SGCD: variants seen among roughly 807,000 people sequenced by gnomAD.
The protein encoded by SGCD is delta-sarcoglycan.
Under a neutral mutation model 36.6 loss-of-function variants are expected in SGCD, and 18 were observed. The ratio of observed to expected loss-of-function variants is 0.49; its 90% CI spans 0.34 to 0.73. The LOEUF is 0.73. SGCD is among the 30% of genes least tolerant of loss of function. The pLI is 0.01. For synonymous variants in SGCD, 133 were observed against 130.6 expected (o/e 1.02, Z -0.12); for missense variants, 387 against 346.7 (o/e 1.12, Z -0.92).
rs13167045 is a variant in SGCD at position 156,477,177 on chromosome 5, T to A, written c.193-31424T>A. On this transcript the variant is annotated intron_variant, in intron 3 of 8. Coordinates refer to ENST00000337851, the MANE Select transcript of SGCD (RefSeq NM_000337.6). ...TTATGTTTAAGGAATCCTTTAGTAT[T>A]GTCGAGCCCCATTGAGTAGAATGGT... 8.1e-3 allele frequency among the ~76,000 whole-genome samples: 1,230 copies of A among 152,324 alleles called. 13 individuals are homozygous for A. The highest frequency in any genetic ancestry group is 0.017 in the Middle Eastern group (5 of 294).
intron 3 of SGCD, among the ~76,000 whole-genome samples, chr5:156,259,446 A>AT (rs545527929): frequency 1.5e-4 from 23 of 150,726 alleles, no homozygotes; most frequent in Middle Eastern, 3.4e-3. Context: ...TTTACTGAGC[A>AT]TTTTTTTTTA....
intron 6 of SGCD, among the ~76,000 whole-genome samples, chr5:156,629,924 C>T (rs1343251287): frequency 6.8e-6 from 1 of 146,250 alleles, no homozygotes; most frequent in Admixed American, 7.0e-5. Context: ...TGCAATGGCA[C>T]GATCTTGGCT....
At chr5:155,906,781 A>AGCAGCAAATGTTGATGCAGAAGCT (rs1156301675) in intron 1 of SGCD, among the ~76,000 whole-genome samples, 11 of 148,392 alleles carry the variant, frequency 7.4e-5, no homozygotes, top group Non-Finnish European at 1.3e-4. Context: ...TGCAAGGTGA[A>AGCAGCAAATGTTGATGCAGAAGCT]GCAGCAAATG....
At chr5:156,070,863 G>A (rs1219298534) in intron 1 of SGCD, among the ~76,000 whole-genome samples, 5 of 152,028 alleles carry the variant, frequency 3.3e-5, no homozygotes, top group South Asian at 2.1e-4. Context: ...GTCTTGGGAG[G>A]GTGTATGTGA....
the SGCD span, among the ~76,000 whole-genome samples, chr5:155,796,349 ATCTG>A: frequency 6.6e-6 from 1 of 152,120 alleles, no homozygotes; most frequent in Non-Finnish European, 1.5e-5. Flanking sequence ...ACTCTAAATA[ATCTG>A]TGTGTCAAAG....
Position 156,761,499 on chromosome 5 carries a change from A to G in SGCD, c.*2109A>G, listed in dbSNP as rs976967659. 1.3e-5 allele frequency: 2 copies of G among 152,208 alleles called. No individual in the cohort carries two copies. The highest frequency in any genetic ancestry group is 4.8e-5 in the African/African-American group (2 of 41,436). The allele number at this position is 152,208 out of a possible 1,614,324, so 9.4% of individuals were successfully genotyped here. On this transcript the variant is annotated 3_prime_UTR_variant, in exon 9 of 9. Coordinates refer to ENST00000337851, the MANE Select transcript of SGCD (RefSeq NM_000337.6). ...GGCCATGTTGCCAGAATCTGTATGT[A>G]TCAATACAGGGTTTTTCCAAGCCAG...
At chr5:155,779,392 C>G in the SGCD span, among the ~76,000 whole-genome samples, 6 of 151,970 alleles carry the variant, frequency 3.9e-5, no homozygotes, top group Admixed American at 6.6e-5. Flanking sequence ...GAACTGTGAT[C>G]CTGCCATTGC....
chr5:156,048,852 G>T (rs1485610901), intron 1 of SGCD, among the ~76,000 whole-genome samples: 6 of 151,976 alleles, frequency 3.9e-5, no homozygotes, highest in Admixed American at 2.0e-4. Flanking sequence ...GTCAATTTTG[G>T]CTTTTGTTGC....
chr5:156,640,232 A>T (rs1037319851), intron 6 of SGCD, among the ~76,000 whole-genome samples: 2 of 151,938 alleles, frequency 1.3e-5, no homozygotes, highest in African/African-American at 4.8e-5. Flanking sequence ...GATATACTAG[A>T]TATCCGTTTA....
At chr5:155,913,739 T>A (rs766684833) in intron 1 of SGCD, among the ~76,000 whole-genome samples, 2 of 151,634 alleles carry the variant, frequency 1.3e-5, no homozygotes, top group Non-Finnish European at 2.9e-5. Flanking sequence ...GGATTCTTTT[T>A]AAAAAAAAAT....
intron 4 of SGCD, among the ~76,000 whole-genome samples, chr5:156,584,577 T>A (rs931674592): frequency 1.3e-5 from 2 of 152,142 alleles, no homozygotes; most frequent in Non-Finnish European, 2.9e-5. Context: ...ATTCCAGGCA[T>A]GTTTTGACCT....
intron 3 of SGCD, among the ~76,000 whole-genome samples, chr5:156,279,986 C>T (rs1334960443): frequency 2.1e-5 from 3 of 144,532 alleles, no homozygotes; most frequent in Non-Finnish European, 4.7e-5. Context: ...CACATACAAA[C>T]ACACACACAC....
At chr5:156,088,563 A>T (rs772305840) in intron 1 of SGCD, among the ~76,000 whole-genome samples, 14 of 152,010 alleles carry the variant, frequency 9.2e-5, no homozygotes, top group Non-Finnish European at 2.1e-4. Context: ...GCAGTGGTGC[A>T]ATCATGGCTC....
Position 156,218,653 on chromosome 5 carries a change from C to T in SGCD, c.-44+94634C>T, listed in dbSNP as rs118187557. On this transcript the variant is annotated intron_variant, in intron 3 of 9. Transcript: ENST00000517913. ...AAAGGTCAGAGTCATAAGCCAGGTT[C>T]CATTCTTACTCTATTTCCTGGTCAC... Among the ~76,000 whole-genome samples the T allele has an allele frequency of 8.5e-5, 13 of 152,248 alleles. No homozygotes were observed. The East Asian group carries it at 2.5e-3, about 29-fold the overall frequency.
At chr5:155,766,158 TGA>T in the SGCD span, among the ~76,000 whole-genome samples, 1 of 152,102 alleles carries the variant, frequency 6.6e-6, no homozygotes, top group Non-Finnish European at 1.5e-5. Context: ...ACTGTTATCA[TGA>T]GAGATAGAGG....
intron 1 of SGCD, among the ~76,000 whole-genome samples, chr5:155,984,888 T>A (rs1758298730): frequency 6.6e-6 from 1 of 152,214 alleles, no homozygotes; most frequent in African/African-American, 2.4e-5. Context: ...AATACTTCTG[T>A]CCCCAACTGG....
At chr5:156,334,459 A>G (rs79799390) in intron 2 of SGCD, among the ~76,000 whole-genome samples, 5,619 of 152,246 alleles carry the variant, frequency 0.037, 131 homozygotes, top group Non-Finnish European at 0.056. Flanking sequence ...GGACCAGGCT[A>G]GTTTTATATA....
the SGCD span, among the ~76,000 whole-genome samples, chr5:155,862,619 CTGTG>C: frequency 6.6e-6 from 1 of 152,216 alleles, no homozygotes; most frequent in Non-Finnish European, 1.5e-5. Context: ...AGGTAAGCCA[CTGTG>C]CCCAGCCAGC....
chr5:155,903,362 A>G (rs1481678704), intron 1 of SGCD, among the ~76,000 whole-genome samples: 2 of 152,226 alleles, frequency 1.3e-5, no homozygotes, highest in Admixed American at 6.5e-5. Context: ...CTCATGGGGC[A>G]GAGATTTTTT....
Sources: allele counts gnomAD v4.1 joint callset (sites outside exome capture counted in the v4.1 genomes callset), GRCh38; gene constraint gnomAD v4.1.1; transcripts MANE v1.5; gene names NCBI Gene and HGNC (gene_info 2026-07-23, HGNC 2026-07-21).